Variants in ASAP1 observed in about 807,000 individuals in gnomAD.
The protein encoded by ASAP1 is ArfGAP with SH3 domain, ankyrin repeat and PH domain 1.
ASAP1 carries 43 observed loss-of-function variants against 145.2 expected under a neutral mutation model. The observed-to-expected ratio is 0.30, with a 90% CI of 0.23 to 0.38. The LOEUF is 0.38. Among genes scored for constraint, ASAP1 ranks in the 10% least tolerant of loss-of-function variants. ASAP1 has a pLI of 1.00. For missense variants in ASAP1, 1,018 were observed against 1,355.3 expected (o/e 0.75, Z 3.91); for synonymous variants, 546 against 515.5 (o/e 1.06, Z -0.80).
intron 15 of ASAP1, among the ~76,000 whole-genome samples, chr8:130,129,743 T>G (rs1244167734): frequency 1.3e-5 from 2 of 152,188 alleles, no homozygotes; most frequent in Non-Finnish European, 2.9e-5. Context: ...AGTCACACCT[T>G]TGACTCTAGG....
At chr8:130,421,904 T>C (rs763725602) in intron 1 of ASAP1, among the ~76,000 whole-genome samples, 1 of 152,222 alleles carries the variant, frequency 6.6e-6, no homozygotes, top group Non-Finnish European at 1.5e-5. Context: ...CCTGAATACC[T>C]ACTATGTGAG....
intron 24 of ASAP1, among the ~76,000 whole-genome samples, chr8:130,095,066 T>C (rs536575100): frequency 1.2e-4 from 19 of 152,274 alleles, no homozygotes; most frequent in Admixed American, 5.9e-4. Flanking sequence ...CTGAATCATT[T>C]CAAAAATTAA....
In ASAP1 at chr8:130,118,590, T is replaced by C; in HGVS notation, c.1693A>G (p.Asn565Asp). The change falls in exon 19 of 30, where the codon AAT becomes GAT. Residue 565 changes from asparagine to aspartate, a missense_variant. Around this residue, in one of 9 missense-constraint regions of ASAP1, gnomAD observed 153 missense variants for 221.6 expected, o/e 0.69. Coordinates refer to ENST00000518721, the MANE Select transcript of ASAP1 (RefSeq NM_018482.4). ...KTCSTSSAKLNELLEAIKSRD... is the reference protein window; with the variant it reads ...KTCSTSSAKLDELLEAIKSRD... ...GATTTGATGGCCTCAAGCAATTCAT[T>C]TAGTTTAGCTGATGAAGTTGAACAG... is the stretch of plus-strand genomic sequence containing the variant. The C allele has an allele frequency of 6.2e-7, 1 of 1,614,070 alleles. No homozygotes were observed. The highest frequency in any genetic ancestry group is 8.5e-7 in the Non-Finnish European group (1 of 1,179,938).
chr8:130,180,963 T>C, intron 7 of ASAP1, 83 bp from the exon 8 acceptor site: 1 of 1,313,748 alleles, frequency 7.6e-7, no homozygotes, highest in East Asian at 2.4e-5. Flanking sequence ...ATACAAACTA[T>C]GGATTTGGGG....
At chr8:130,173,544 T>C (rs181532427) in intron 9 of ASAP1, among the ~76,000 whole-genome samples, 278 of 152,184 alleles carry the variant, frequency 1.8e-3, no homozygotes, top group African/African-American at 6.5e-3. Flanking sequence ...GGCAGGACGA[T>C]TGCTTGAGCC....
chr8:130,215,719 G>A (rs1320230726), intron 4 of ASAP1, among the ~76,000 whole-genome samples: 2 of 152,034 alleles, frequency 1.3e-5, no homozygotes, highest in Admixed American at 1.3e-4. Context: ...ACTCCAGCCT[G>A]AGCAACAGAG....
At chr8:130,282,461 A>G (rs1272215953) in intron 3 of ASAP1, among the ~76,000 whole-genome samples, 1 of 152,166 alleles carries the variant, frequency 6.6e-6, no homozygotes, top group African/African-American at 2.4e-5. Context: ...TTCATCTGAA[A>G]CTGCTTAAGG....
intron 24 of ASAP1, among the ~76,000 whole-genome samples, chr8:130,092,622 C>T (rs2097507981): frequency 2.6e-5 from 4 of 152,098 alleles, no homozygotes; most frequent in Admixed American, 2.6e-4. Context: ...GAAAAATTTA[C>T]AACAAAGGTA....
chr8:130,253,926 C>T (rs1819359106), intron 3 of ASAP1, among the ~76,000 whole-genome samples: 1 of 152,106 alleles, frequency 6.6e-6, no homozygotes, highest in Non-Finnish European at 1.5e-5. Context: ...GAGGCTGAGC[C>T]ATGAGAATCG....
rs1343835448 is a variant in ASAP1, at chr8:130,169,082, AT to A, written c.747-16del. On this transcript the variant is annotated splice_polypyrimidine_tract_variant and intron_variant, in intron 9 of 29. Coordinates refer to ENST00000518721, the MANE Select transcript of ASAP1 (RefSeq NM_018482.4). ...CTTGAAAGAAACTACAATTAAAAAAATCAGAGATTTACCACCAGTATAAAAA... is the reference window on the plus strand; with the variant it reads ...CTTGAAAGAAACTACAATTAAAAAAACAGAGATTTACCACCAGTATAAAAA... 1.3e-6 allele frequency: 2 copies of A among 1,500,422 alleles called. No individual in the cohort carries two copies. Among genetic ancestry groups the A allele is most frequent in the South Asian group, 2.5e-5 (2 of 80,874 alleles). 92.9% of individuals were successfully genotyped at this position (1,500,422 alleles called of 1,614,324 possible). A position where few individuals can be genotyped will look rare whatever the true frequency, so the allele number is the denominator to read the frequency against.
intron 3 of ASAP1, among the ~76,000 whole-genome samples, chr8:130,303,929 C>G (rs1157679718): frequency 6.6e-6 from 1 of 152,046 alleles, no homozygotes; most frequent in African/African-American, 2.4e-5. Flanking sequence ...TAGTGTGGCA[C>G]CCTTGTCATG....
At chr8:130,170,972 T>C (rs1813559238) in intron 9 of ASAP1, among the ~76,000 whole-genome samples, 1 of 152,192 alleles carries the variant, frequency 6.6e-6, no homozygotes, top group African/African-American at 2.4e-5. Context: ...CTCCTTGGTC[T>C]CCCGAAGTGC....
intron 24 of ASAP1, among the ~76,000 whole-genome samples, chr8:130,109,667 C>A (rs2097543572): frequency 6.6e-6 from 1 of 151,980 alleles, no homozygotes; most frequent in African/African-American, 2.4e-5. Context: ...AACATAGGGG[C>A]CAAAAAAACA....
At chr8:130,384,417 C>T (rs72724466) in intron 2 of ASAP1, among the ~76,000 whole-genome samples, 3,356 of 152,282 alleles carry the variant, frequency 0.022, 70 homozygotes, top group Non-Finnish European at 0.032. Flanking sequence ...CTCAGAGAAC[C>T]CCACTGCTGG....
At chr8:130,176,320 G>C (rs1287748898) in intron 9 of ASAP1, among the ~76,000 whole-genome samples, 2 of 152,132 alleles carry the variant, frequency 1.3e-5, no homozygotes, top group African/African-American at 4.8e-5. Flanking sequence ...ATGCTTAACA[G>C]GTCCATACAA....
intron 3 of ASAP1, among the ~76,000 whole-genome samples, chr8:130,271,956 G>A (rs1443935326): frequency 3.3e-5 from 5 of 152,032 alleles, no homozygotes; most frequent in Non-Finnish European, 7.4e-5. Flanking sequence ...AGCAAGACTT[G>A]CTGTCTCAAG....
At chr8:130,165,188 CG>C (rs1565039140) in intron 11 of ASAP1, among the ~76,000 whole-genome samples, 1 of 152,108 alleles carries the variant, frequency 6.6e-6, no homozygotes, top group African/African-American at 2.4e-5. Context: ...CTAGCATGAG[CG>C]GAACACTTAA....
intron 3 of ASAP1, 88 bp downstream of exon 3, chr8:130,357,929 T>A (rs1314196608): frequency 6.7e-7 from 1 of 1,488,990 alleles, no homozygotes; most frequent in Admixed American, 2.0e-5. Flanking sequence ...GGCCCCCGCG[T>A]CCCCTTCCTC....
At chr8:130,310,290 T>G (rs1823262985) in intron 3 of ASAP1, among the ~76,000 whole-genome samples, 1 of 152,170 alleles carries the variant, frequency 6.6e-6, no homozygotes, top group African/African-American at 2.4e-5. Flanking sequence ...TAGAAAATTA[T>G]GAGGAAGAAG....
Sources: gnomAD v4.1 joint callset for allele counts (sites outside exome capture counted in the v4.1 genomes callset) on GRCh38, gnomAD v4.1.1 for gene constraint, gnomAD v4.1.1 regional missense constraint, MANE v1.5 for transcripts, NCBI Gene and HGNC (gene_info 2026-07-23, HGNC 2026-07-21) for gene names.